Variants in NFX1 observed in about 807,000 individuals in gnomAD.
NFX1 encodes nuclear transcription factor, X-box binding 1, also known as transcriptional repressor NF-X1.
In NFX1, 69 loss-of-function variants were observed where a neutral mutation model predicts 137.2. The observed-to-expected ratio is 0.50, with a 90% confidence interval of 0.41 to 0.61. The LOEUF (loss-of-function observed/expected upper bound fraction) is 0.61, where lower values mean the gene tolerates loss of function less well. Ranked by LOEUF, NFX1 falls within the 20% of genes least tolerant of loss-of-function variation. The pLI, the probability that NFX1 is intolerant of heterozygous loss-of-function variation, is 0.00. For missense variants in NFX1, 1,167 were observed against 1,391.0 expected, an observed-to-expected ratio of 0.84 and a Z score of 2.56; for synonymous variants, 495 against 474.1, an observed-to-expected ratio of 1.04 and a Z score of -0.57.
intron 7 of NFX1, among the ~76,000 whole-genome samples, chr9:33,316,547 C>A (rs1295697873): frequency 1.3e-5 from 2 of 152,184 alleles, no homozygotes; most frequent in South Asian, 2.1e-4. Context: ...TTTTTCAAAC[C>A]CAGTTTTGAA....
chr9:33,366,412 C>T (rs1201277830), intron 21 of NFX1, among the ~76,000 whole-genome samples: 3 of 152,200 alleles, frequency 2.0e-5, no homozygotes, highest in East Asian at 1.9e-4. Flanking sequence ...TGTCCAGCTG[C>T]GACTGTTGTG....
intron 2 of NFX1, among the ~76,000 whole-genome samples, chr9:33,296,726 G>C (rs879658819): frequency 6.6e-6 from 1 of 151,954 alleles, no homozygotes; most frequent in Non-Finnish European, 1.5e-5. Flanking sequence ...CCTGTTTTGC[G>C]GGGGGAAAAA....
intron 5 of NFX1, among the ~76,000 whole-genome samples, chr9:33,310,666 T>A (rs563850206): frequency 5.4e-4 from 82 of 152,334 alleles, no homozygotes; most frequent in Non-Finnish European, 7.8e-4. Context: ...TAGCTGATAG[T>A]ATGTCTGTAC....
Position 33,367,546 on chromosome 9 carries a change from A to T in NFX1, c.3217A>T (p.Thr1073Ser), listed in dbSNP as rs1200074667. The change falls in exon 23 of 24, where the codon ACA (threonine) becomes TCA (serine). Residue 1073 changes from threonine (T) to serine (S), a missense_variant. Physicochemically the swap from Thr to Ser is moderately conservative, Grantham distance 58. Coordinates refer to ENST00000379540, the MANE Select transcript of NFX1 (RefSeq NM_002504.6). ...GTCCGTTTGTCCTCCTACCACGCTG[A>T]CAGGTGTGCTTGAAAGGGAAATGCA... ...GKSVCPPTTL[T>S]GVLEREMQAR... is the part of the protein sequence containing the mutation. 1 of 1,613,968 alleles carries T rather than the reference A, an allele frequency of 6.2e-7. No individual in the cohort carries two copies. Among genetic ancestry groups the T allele is most frequent in the Admixed American group, 1.7e-5 (1 of 60,008 alleles).
chr9:33,343,637 T>G (rs1823306178), intron 13 of NFX1, among the ~76,000 whole-genome samples: 1 of 152,242 alleles, frequency 6.6e-6, no homozygotes, highest in Non-Finnish European at 1.5e-5. Flanking sequence ...AAAAATTTAT[T>G]GGACTTTCTT....
chr9:33,315,463 C>G (rs946117452), intron 7 of NFX1, among the ~76,000 whole-genome samples: 5 of 152,124 alleles, frequency 3.3e-5, no homozygotes, highest in African/African-American at 1.2e-4. Flanking sequence ...GTCTGCCTTT[C>G]TCTACATTTT....
At chr9:33,296,595 C>G (rs757802820) in intron 2 of NFX1, among the ~76,000 whole-genome samples, 9 of 152,182 alleles carry the variant, frequency 5.9e-5, no homozygotes, top group Admixed American at 2.6e-4. Context: ...ATTAGCCAGG[C>G]ATGTTAGCAC....
At position 33,294,728 on chromosome 9, in the gene NFX1, G is replaced by A; in HGVS notation, c.334G>A (p.Glu112Lys). The change falls in exon 2 of 24, where the codon GAG becomes AAG. Residue 112 changes from glutamate (E) to lysine (K), a missense_variant. This residue lies in a region of NFX1 where 367 missense variants were observed against 386.7 expected (regional missense o/e 0.95). Transcript: ENST00000379540. ...TCAACCTTGGCAGAAATTGAGGAAT[G>A]AGAAGCACCATATCAGAGTCAAGAA... is the stretch of plus-strand genomic sequence containing the variant. ...QNQPWQKLRNEKHHIRVKKAQ... is the reference protein window; with the variant it reads ...QNQPWQKLRNKKHHIRVKKAQ... 1 of 1,614,134 alleles carries A rather than the reference G, an allele frequency of 6.2e-7. No individual in the cohort carries two copies. Among genetic ancestry groups the A allele is most frequent in the South Asian group, 1.1e-5 (1 of 91,082 alleles).
intron 19 of NFX1, among the ~76,000 whole-genome samples, chr9:33,356,022 T>A (rs562069969): frequency 6.6e-6 from 1 of 152,308 alleles, no homozygotes; most frequent in Non-Finnish European, 1.5e-5. Context: ...AATTGCTGAT[T>A]AATAGGGTTT....
intron 3 of NFX1, among the ~76,000 whole-genome samples, chr9:33,302,312 C>T (rs1821597614): frequency 6.6e-6 from 1 of 151,204 alleles, no homozygotes. Context: ...TGTTGTTAGC[C>T]ATAGTGCTAC....
chr9:33,366,761 G>A lies in NFX1; in HGVS notation c.3172G>A (p.Val1058Ile). ...CAGTGAACCGAAGCGCAATGTGGTG[G>A]TCACTGCCATCAGGTAGGTCAATCC... ...YDSEPKRNVV[V>I]TAIRGKSVCP... The change falls in exon 22 of 24, where the codon GTC becomes ATC. Residue 1058 changes from valine to isoleucine, a missense_variant. Physicochemically the swap from Val to Ile is conservative, Grantham distance 29. Transcript: ENST00000379540. 1.2e-6 allele frequency: 2 copies of A among 1,614,050 alleles called. No individual in the cohort carries two copies. The highest frequency in any genetic ancestry group is 1.7e-6 in the Non-Finnish European group (2 of 1,179,928).
intron 14 of NFX1, among the ~76,000 whole-genome samples, chr9:33,346,244 A>G (rs1823416511): frequency 6.6e-6 from 1 of 152,132 alleles, no homozygotes; most frequent in Admixed American, 6.5e-5. Context: ...ATGAATTCCA[A>G]ATGCTGCTGG....
In NFX1 at chr9:33,323,499, A is replaced by T. The variant is rs183558649; in HGVS notation, c.1906+4372A>T. On this transcript the variant is annotated intron_variant, in intron 9 of 23. Coordinates refer to ENST00000379540, the MANE Select transcript of NFX1 (RefSeq NM_002504.6). ...GCCAGGCATGGTGGCTCACGCCTGT[A>T]ATCCCAGCACTTTGGGAGGCTGAGG... is the stretch of plus-strand genomic sequence containing the variant. Among the ~76,000 whole-genome samples the T allele has an allele frequency of 1.4e-3, 211 of 152,326 alleles. 1 individual carries two copies. The highest frequency in any genetic ancestry group is 3.4e-3 in the Middle Eastern group (1 of 294).
At chr9:33,330,557 T>G (rs1411186246) in intron 10 of NFX1, among the ~76,000 whole-genome samples, 1 of 152,198 alleles carries the variant, frequency 6.6e-6, no homozygotes, top group Non-Finnish European at 1.5e-5. Flanking sequence ...TTGGCAATCA[T>G]AAATTTAGTA....
intron 2 of NFX1, among the ~76,000 whole-genome samples, chr9:33,299,367 G>A (rs1478718415): frequency 6.6e-6 from 1 of 152,058 alleles, no homozygotes; most frequent in Non-Finnish European, 1.5e-5. Context: ...AGATGTTTCT[G>A]CTCTTGTTTT....
chr9:33,320,898 C>G (rs755548405), intron 9 of NFX1, among the ~76,000 whole-genome samples: 6 of 152,204 alleles, frequency 3.9e-5, no homozygotes, highest in Non-Finnish European at 7.3e-5. Flanking sequence ...GAACACCCTA[C>G]TTAATCCTTT....
chr9:33,302,357 ATTT>A (rs33976056), intron 3 of NFX1, among the ~76,000 whole-genome samples: 13 of 71,004 alleles, frequency 1.8e-4, no homozygotes, highest in African/African-American at 3.8e-4. Context: ...ATCTAACTGT[ATTT>A]TTTTTTTTTT....
At chr9:33,297,156 G>A (rs907727953) in intron 2 of NFX1, among the ~76,000 whole-genome samples, 27 of 152,156 alleles carry the variant, frequency 1.8e-4, no homozygotes, top group Middle Eastern at 3.4e-3. Flanking sequence ...TGCAGTATTC[G>A]AAGACATCTA....
Position 33,347,131 on chromosome 9 carries a change from C to G in NFX1, c.2424+14C>G, listed in dbSNP as rs1241223699. ...GGCAAGCATGAGGTAAGTTTTCTCT[C>G]TCAAGTGCTCATTGTTCCAGGCAGA... On this transcript the variant is annotated intron_variant, in intron 15 of 23. Transcript: ENST00000379540. 6.3e-7 allele frequency: 1 copy of G among 1,590,166 alleles called. No homozygotes were observed. The highest frequency in any genetic ancestry group is 2.2e-5 in the East Asian group (1 of 44,662).
Sources: gnomAD v4.1 joint callset for allele counts (sites outside exome capture counted in the v4.1 genomes callset) on GRCh38, gnomAD v4.1.1 for gene constraint, gnomAD v4.1.1 regional missense constraint, MANE v1.5 for transcripts, NCBI Gene and HGNC (gene_info 2026-07-23, HGNC 2026-07-21) for gene names.